TTBK2: variants seen among roughly 807,000 people sequenced by gnomAD.
TTBK2 encodes the protein tau tubulin kinase 2.
A neutral mutation model predicts 110.8 loss-of-function variants in TTBK2; 28 were observed. The ratio of observed to expected loss-of-function variants is 0.25; its 90% CI spans 0.19 to 0.35. The LOEUF (loss-of-function observed/expected upper bound fraction) is 0.35. Among genes scored for constraint, TTBK2 ranks in the 10% least tolerant of loss-of-function variants. The pLI, the probability that TTBK2 is intolerant of heterozygous loss-of-function variation, is 1.00. For synonymous variants in TTBK2, 532 were observed against 527.3 expected, an observed-to-expected ratio of 1.01 and a Z score of -0.12; for missense variants, 1,369 against 1,500.3, an observed-to-expected ratio of 0.91 and a Z score of 1.45.
chr15:42,914,679 C>T (rs1024071498), intron 1 of TTBK2, among the ~76,000 whole-genome samples: 1 of 152,160 alleles, frequency 6.6e-6, no homozygotes, highest in Admixed American at 6.5e-5. Context: ...GTTGTGTGGA[C>T]ATTTAATTTC....
chr15:42,752,257 T>C lies in TTBK2; in HGVS notation c.2989A>G (p.Ser997Gly). 6.2e-7 allele frequency: 1 copy of C among 1,614,172 alleles called. No homozygotes were observed. Among genetic ancestry groups the C allele is most frequent in the Middle Eastern group, 1.6e-4 (1 of 6,062 alleles). ...TCCTCTAGCAATTTATCAGAGGCACTTGAGAGGTCGCCAAGGAAGGACTTG... is the reference window on the plus strand; with the variant it reads ...TCCTCTAGCAATTTATCAGAGGCACCTGAGAGGTCGCCAAGGAAGGACTTG... ...QFKSFLGDLS[S>G]ASDKLLEEKL... The change falls in exon 14 of 15, where the codon AGT becomes GGT. Residue 997 changes from serine (S) to glycine (G), a missense_variant. Around this residue, in one of 4 missense-constraint regions of TTBK2, gnomAD observed 1,097 missense variants for 1,114.7 expected, o/e 0.98. Transcript: ENST00000267890.
intron 4 of TTBK2, among the ~76,000 whole-genome samples, chr15:42,834,548 C>T (rs1275698085): frequency 6.6e-6 from 1 of 152,118 alleles, no homozygotes; most frequent in African/African-American, 2.4e-5. Flanking sequence ...AAGACTGCTG[C>T]AGCCTAGTCC....
chr15:42,911,961 TACAC>T (rs10545933), intron 1 of TTBK2, among the ~76,000 whole-genome samples: 64,520 of 149,728 alleles, frequency 0.43, 16,907 homozygotes, highest in African/African-American at 0.75. Flanking sequence ...ATGAGTTAAA[TACAC>T]ACACACACAC....
At chr15:42,840,564 C>T in intron 3 of TTBK2, 131 bp from the exon 4 acceptor site, 1 of 872,532 alleles carries the variant, frequency 1.1e-6, no homozygotes, top group Non-Finnish European at 1.9e-6. Flanking sequence ...GGATAGAAAA[C>T]TTATATTATT....
At chr15:42,819,756 T>A (rs1892210220) in intron 6 of TTBK2, among the ~76,000 whole-genome samples, 1 of 152,358 alleles carries the variant, frequency 6.6e-6, no homozygotes, top group Admixed American at 6.5e-5. Context: ...GAAAATTGTC[T>A]AAGAGAATAT....
intron 1 of TTBK2, among the ~76,000 whole-genome samples, chr15:42,888,684 G>A (rs1033671241): frequency 6.6e-6 from 1 of 152,090 alleles, no homozygotes; most frequent in Admixed American, 6.5e-5. Context: ...GGGCTGAAAA[G>A]TTTCCTCACT....
intron 1 of TTBK2, among the ~76,000 whole-genome samples, chr15:42,918,910 C>A (rs2031227129): frequency 6.6e-6 from 1 of 152,080 alleles, no homozygotes; most frequent in South Asian, 2.1e-4. Flanking sequence ...TTATTCTCAG[C>A]CCCCTAACCA....
chr15:42,898,609 C>T (rs1895763832), intron 1 of TTBK2, among the ~76,000 whole-genome samples: 1 of 151,974 alleles, frequency 6.6e-6, no homozygotes, highest in Non-Finnish European at 1.5e-5. Flanking sequence ...ACTCTGAGTA[C>T]TGGCCTAAAC....
chr15:42,898,342 T>A (rs1349263407), intron 1 of TTBK2, among the ~76,000 whole-genome samples: 1 of 151,802 alleles, frequency 6.6e-6, no homozygotes, highest in African/African-American at 2.4e-5. Flanking sequence ...TCACCTGAGA[T>A]CAGGAGTTCG....
At chr15:42,840,721 T>C (rs1893186351) in intron 3 of TTBK2, 1 of 457,346 alleles carries the variant, frequency 2.2e-6, no homozygotes, top group Non-Finnish European at 4.0e-6. Flanking sequence ...AAAGATTAAG[T>C]GGTCAATTCA....
chr15:42,822,397 C>A (rs1294170148), intron 6 of TTBK2, among the ~76,000 whole-genome samples: 1 of 151,710 alleles, frequency 6.6e-6, no homozygotes, highest in African/African-American at 2.4e-5. Context: ...AATCTATGAG[C>A]ATATTTTATT....
intron 9 of TTBK2, chr15:42,802,407 G>A: frequency 2.7e-6 from 2 of 744,538 alleles, no homozygotes; most frequent in Middle Eastern, 2.6e-4. Flanking sequence ...TGATGGACAT[G>A]GTGGAGGCAG....
chr15:42,752,900 G>T lies in TTBK2; in HGVS notation c.2346C>A (p.Ile782=), dbSNP rs764217797. 6.2e-7 allele frequency: 1 copy of T among 1,614,124 alleles called. No individual in the cohort carries two copies. The highest frequency in any genetic ancestry group is 1.1e-5 in the South Asian group (1 of 91,080). ...CATCTTCATTATCTGACTCTAAAAG[G>T]ATGCTTTTCTCTTCAGTTTCCCCAG... ...NLPGETEEKS[I]LLESDNEDEK... is the part of the protein sequence containing the mutation. Residue 782 remains isoleucine (I), a synonymous_variant, in exon 14 of 15, where the codon ATC becomes ATA. Transcript: ENST00000267890.
chr15:42,835,925 T>C (rs1373562367), intron 4 of TTBK2, among the ~76,000 whole-genome samples: 1 of 152,194 alleles, frequency 6.6e-6, no homozygotes, highest in Non-Finnish European at 1.5e-5. Context: ...CTACTTTGTG[T>C]ATGTTTAATT....
intron 10 of TTBK2, 58 bp from the exon 11 acceptor site, chr15:42,783,693 A>T (rs1325319973): frequency 2.4e-6 from 3 of 1,249,938 alleles, no homozygotes; most frequent in Non-Finnish European, 3.5e-6. Context: ...AGACTATCTT[A>T]CATCATTTTA....
intron 1 of TTBK2, among the ~76,000 whole-genome samples, chr15:42,911,287 C>T (rs1227788936): frequency 6.6e-6 from 1 of 152,112 alleles, no homozygotes; most frequent in Admixed American, 6.5e-5. Flanking sequence ...TGCAATGTGT[C>T]CTTGATACAT....
chr15:42,747,353 T>G (rs1248100779), intron 14 of TTBK2, among the ~76,000 whole-genome samples: 1 of 152,096 alleles, frequency 6.6e-6, no homozygotes, highest in Non-Finnish European at 1.5e-5. Flanking sequence ...GGCCTAAGAA[T>G]CAAAGAAAAT....
intron 9 of TTBK2, chr15:42,801,093 G>A: frequency 1.2e-6 from 1 of 809,888 alleles, no homozygotes; most frequent in South Asian, 1.3e-5. Flanking sequence ...GCCAAAGCTG[G>A]AGCCCAGGCC....
chr15:42,806,971 G>C (rs1318157425), intron 9 of TTBK2, among the ~76,000 whole-genome samples: 1 of 152,072 alleles, frequency 6.6e-6, no homozygotes, highest in African/African-American at 2.4e-5. Context: ...GACCTTCCTT[G>C]ACCACTCTAT....
Sources: allele counts gnomAD v4.1 joint callset (sites outside exome capture counted in the v4.1 genomes callset), GRCh38; gene constraint gnomAD v4.1.1; regional missense constraint gnomAD v4.1.1; transcripts MANE v1.5; gene names NCBI Gene and HGNC (gene_info 2026-07-23, HGNC 2026-07-21).